The following ZNF185 variants were observed in gnomAD, a reference collection of about 807,000 sequenced individuals.
ZNF185 encodes the protein zinc finger protein 185.
In ZNF185, 56 loss-of-function variants were observed where a neutral mutation model predicts 58.6. That is an observed-to-expected ratio of 0.95 (90% CI 0.77 to 1.19). ZNF185 has a LOEUF of 1.19. Among genes scored for constraint, ZNF185 ranks in the 50% most tolerant of loss-of-function variants. The pLI is 0.00. For synonymous variants in ZNF185, 230 were observed against 215.9 expected, an observed-to-expected ratio of 1.07 and a Z score of -0.57; for missense variants, 627 against 573.5, an observed-to-expected ratio of 1.09 and a Z score of -0.95.
At chrX:152,908,485 G>A in the ZNF185 span, among the ~76,000 whole-genome samples, 1 of 112,766 alleles carries the variant, frequency 8.9e-6, no homozygotes, top group Admixed American at 9.3e-5. Context: ...GGACTCAGAT[G>A]GAGAGTGAGA....
chrX:152,963,798 T>C (rs782164325), intron 17 of ZNF185, 41 bp from the exon 20 acceptor site: 1 of 1,165,576 alleles, frequency 8.6e-7, no homozygotes, highest in South Asian at 1.9e-5. Flanking sequence ...AGGTGTCAGC[T>C]CCCAGGTTGA....
chrX:152,967,675 A>AAGAATGCCC (rs2050250799), intron 20 of ZNF185, among the ~76,000 whole-genome samples: 1 of 112,492 alleles, frequency 8.9e-6, no homozygotes, highest in East Asian at 2.8e-4. Context: ...ACACAAAGCC[A>AAGAATGCCC]AGAATGCCCA....
intron 14 of ZNF185, 119 bp from the exon 16 acceptor site, chrX:152,936,299 C>T (rs1269302917): frequency 1.8e-6 from 1 of 552,097 alleles, no homozygotes; most frequent in East Asian, 3.7e-5. Context: ...CTCAAGCATC[C>T]ATTTGAGCAG....
At chrX:152,960,435 TGA>T (rs1333060316) in intron 17 of ZNF185, among the ~76,000 whole-genome samples, 1 of 112,128 alleles carries the variant, frequency 8.9e-6, no homozygotes, top group African/African-American at 3.2e-5. Flanking sequence ...CTGAATTTTC[TGA>T]GAGAGACCAA....
the ZNF185 span, among the ~76,000 whole-genome samples, chrX:152,906,981 A>C: frequency 9.0e-6 from 1 of 110,576 alleles, no homozygotes; most frequent in East Asian, 2.9e-4. Context: ...CTGGCGTCCT[A>C]CTTCCCTTCT....
chrX:152,922,795 G>C (rs781973625), exon 11 of ZNF185: 8 of 1,195,799 alleles, frequency 6.7e-6, no homozygotes, highest in Non-Finnish European at 9.0e-6. Flanking sequence ...GCCCCGCTGG[G>C]AGCCAGGAGC....
chrX:152,949,411 T>C (rs1485702456), intron 16 of ZNF185, among the ~76,000 whole-genome samples: 1 of 112,459 alleles, frequency 8.9e-6, no homozygotes, highest in African/African-American at 3.2e-5. Context: ...GGGGTGCGAC[T>C]GTAGACAAAT....
intron 20 of ZNF185, 40 bp from the exon 23 acceptor site, chrX:152,969,342 C>A: frequency 9.0e-7 from 1 of 1,117,277 alleles, no homozygotes. Context: ...GAGGTCTGTA[C>A]ACCAGCCTGA....
chrX:152,960,220 T>TG (rs782544990), intron 17 of ZNF185, among the ~76,000 whole-genome samples: 249 of 111,951 alleles, frequency 2.2e-3, no homozygotes, highest in Non-Finnish European at 3.6e-3. Flanking sequence ...TTAATGGAGA[T>TG]GGAAACTCTC....
chrX:152,906,842 G>A, the ZNF185 span, among the ~76,000 whole-genome samples: 4 of 110,786 alleles, frequency 3.6e-5, no homozygotes, highest in Admixed American at 3.9e-4. Context: ...CACATGCACT[G>A]AGACAAGCCC....
At chrX:152,912,968 A>G (rs1556862721), upstream of ZNF185, among the ~76,000 whole-genome samples, 2 of 112,990 alleles carry the variant, frequency 1.8e-5, no homozygotes, top group African/African-American at 6.4e-5. Flanking sequence ...ATGAGGTGCC[A>G]TTCCTGGCAC....
chrX:152,928,525 G>C, intron 11 of ZNF185, 50 bp from the exon 13 acceptor site: 1 of 1,185,146 alleles, frequency 8.4e-7, no homozygotes, highest in Non-Finnish European at 1.1e-6. Context: ...CCCAAGAAGG[G>C]GGAGACTTTT....
At chrX:152,956,349 C>T (rs1264383529) in intron 16 of ZNF185, among the ~76,000 whole-genome samples, 2 of 112,267 alleles carry the variant, frequency 1.8e-5, no homozygotes, top group African/African-American at 6.5e-5. Context: ...TTTTTATAAT[C>T]TGCACTTGAT....
chrX:152,919,130 TG>T, intron 7 of ZNF185, 49 bp downstream of exon 8: 1 of 1,015,131 alleles, frequency 9.9e-7, no homozygotes, highest in African/African-American at 1.9e-5. Context: ...GGCAGGAGCC[TG>T]AGTCTTCGAA....
intron 16 of ZNF185, among the ~76,000 whole-genome samples, chrX:152,946,282 C>A (rs1488811635): frequency 8.9e-6 from 1 of 112,032 alleles, no homozygotes; most frequent in African/African-American, 3.3e-5. Flanking sequence ...GCAGGTGGAG[C>A]CTGGGGTTCC....
At chrX:152,928,351 C>T (rs919572543) in intron 11 of ZNF185, among the ~76,000 whole-genome samples, 4 of 111,965 alleles carry the variant, frequency 3.6e-5, no homozygotes, top group African/African-American at 1.3e-4. Context: ...CTTGCTGTGC[C>T]TGAGGGAGGG....
chrX:152,961,620 T>G (rs1454991709), intron 17 of ZNF185, among the ~76,000 whole-genome samples: 3 of 112,157 alleles, frequency 2.7e-5, no homozygotes, highest in Admixed American at 1.9e-4. Context: ...TGAGCAGCCA[T>G]GTACACAGTG....
intron 16 of ZNF185, among the ~76,000 whole-genome samples, chrX:152,956,130 A>T (rs2048803306): frequency 8.9e-6 from 1 of 111,787 alleles, no homozygotes; most frequent in Admixed American, 9.5e-5. Flanking sequence ...AGATGGCTGC[A>T]TGCAAACATT....
At chrX:152,900,436 C>T in the ZNF185 span, among the ~76,000 whole-genome samples, 1 of 113,061 alleles carries the variant, frequency 8.8e-6, no homozygotes. Context: ...ACAAGCTTTC[C>T]TTCTGTTGCT....
Sources: gnomAD v4.1 joint callset for allele counts (sites outside exome capture counted in the v4.1 genomes callset) on GRCh38, gnomAD v4.1.1 for gene constraint, MANE v1.5 for transcripts, NCBI Gene and HGNC (gene_info 2026-07-23, HGNC 2026-07-21) for gene names.